Variants in PIK3R6 observed in about 807,000 individuals in gnomAD.
The protein encoded by PIK3R6 is phosphoinositide 3-kinase regulatory subunit 6.
Under a neutral mutation model 84.9 loss-of-function variants are expected in PIK3R6, and 91 were observed. The ratio of observed to expected loss-of-function variants is 1.07; its 90% CI spans 0.90 to 1.28. PIK3R6 has a LOEUF of 1.28. Among genes scored for constraint, PIK3R6 ranks in the 50% most tolerant of loss-of-function variants. PIK3R6 has a pLI of 0.00. For missense variants in PIK3R6, 996 were observed against 985.1 expected (o/e 1.01, Z -0.15); for synonymous variants, 416 against 411.4 (o/e 1.01, Z -0.13).
chr17:8,828,997 TG>T lies in PIK3R6; in HGVS notation c.890-8del, dbSNP rs1388330925. On this transcript the variant is annotated splice_region_variant and splice_polypyrimidine_tract_variant and intron_variant, in intron 10 of 19. Coordinates refer to ENST00000619866, the MANE Select transcript of PIK3R6 (RefSeq NM_001010855.4). ...AAGAGCACCAGTTCCTTCCCTGGGGTGGGGGAACAAGGGCGGTGAGGACACG... is the reference window on the plus strand; with the variant it reads ...AAGAGCACCAGTTCCTTCCCTGGGGTGGGGAACAAGGGCGGTGAGGACACG... The T allele has an allele frequency of 6.7e-7, 1 of 1,491,944 alleles. No homozygotes were observed. The highest frequency in any genetic ancestry group is 1.4e-5 in the African/African-American group (1 of 70,234). The allele number at this position is 1,491,944 out of a possible 1,614,324, so 92.4% of individuals were successfully genotyped here.
intron 15 of PIK3R6, 34 bp downstream of exon 15, chr17:8,822,962 G>A: frequency 1.3e-6 from 2 of 1,513,066 alleles, no homozygotes; most frequent in African/African-American, 1.4e-5. Context: ...GCTGAGTCAG[G>A]GTGACCTTTG....
intron 18 of PIK3R6, among the ~76,000 whole-genome samples, chr17:8,804,654 G>T (rs2087146632): frequency 6.6e-6 from 1 of 152,154 alleles, no homozygotes; most frequent in African/African-American, 2.4e-5. Context: ...CCGAAGGAAA[G>T]CACCCCCAGG....
intron 4 of PIK3R6, 74 bp from the exon 5 acceptor site, chr17:8,837,945 C>A: frequency 7.4e-7 from 1 of 1,354,092 alleles, no homozygotes; most frequent in Non-Finnish European, 1.1e-6. Context: ...GCAGTCTAGG[C>A]TGGGAGTGGG....
chr17:8,827,037 G>A, intron 13 of PIK3R6, 135 bp downstream of exon 13: 1 of 1,019,566 alleles, frequency 9.8e-7, no homozygotes, highest in Non-Finnish European at 1.4e-6. Flanking sequence ...CAAAGGTCAA[G>A]TGCAGCAGCA....
intron 17 of PIK3R6, among the ~76,000 whole-genome samples, chr17:8,820,007 G>A (rs1400494838): frequency 6.7e-6 from 1 of 148,642 alleles, no homozygotes; most frequent in Non-Finnish European, 1.5e-5. Context: ...TAGTGCAGTG[G>A]CATGATCTCG....
chr17:8,853,671 T>C (rs900165635), intron 1 of PIK3R6, among the ~76,000 whole-genome samples: 1 of 151,494 alleles, frequency 6.6e-6, no homozygotes, highest in African/African-American at 2.4e-5. Flanking sequence ...ATAGTTAAGA[T>C]GTCAATTCTC....
chr17:8,819,049 G>T, intron 18 of PIK3R6, 34 bp downstream of exon 18: 1 of 1,482,430 alleles, frequency 6.7e-7, no homozygotes, highest in Non-Finnish European at 9.2e-7. Context: ...GTCCCAGCTG[G>T]CTGTCTCCCT....
intron 18 of PIK3R6, among the ~76,000 whole-genome samples, chr17:8,813,819 T>C (rs1289894242): frequency 2.0e-5 from 3 of 151,896 alleles, no homozygotes; most frequent in African/African-American, 7.3e-5. Context: ...TGGGGAAAAA[T>C]TGAAAGCATT....
chr17:8,814,454 G>A lies in PIK3R6; in HGVS notation c.1995+4629C>T, dbSNP rs563725646. Among the ~76,000 whole-genome samples, 37 of 152,006 alleles carry A rather than the reference G, an allele frequency of 2.4e-4. No homozygotes were observed. The South Asian group carries it at 6.7e-3, about 27-fold the overall frequency. On this transcript the variant is annotated intron_variant, in intron 18 of 19. Transcript: ENST00000619866. ...AGGCTGGTCTCGATCTCCTGACCTC[G>A]TGATCCGCCCTCCTCTGCCTCCCAA...
chr17:8,853,512 T>A (rs185940722), intron 1 of PIK3R6, among the ~76,000 whole-genome samples: 4 of 146,280 alleles, frequency 2.7e-5, no homozygotes, highest in African/African-American at 5.0e-5. Flanking sequence ...ATAATAATAA[T>A]AATAAAATAA....
At chr17:8,821,481 A>G (rs1400497420) in intron 17 of PIK3R6, among the ~76,000 whole-genome samples, 1 of 152,212 alleles carries the variant, frequency 6.6e-6, no homozygotes, top group Non-Finnish European at 1.5e-5. Context: ...CTATATGCAC[A>G]TAAATTGGCA....
chr17:8,819,921 TTATATATATATATATA>T (rs72259680), intron 17 of PIK3R6, among the ~76,000 whole-genome samples: 2 of 136,264 alleles, frequency 1.5e-5, no homozygotes, highest in African/African-American at 5.9e-5. Flanking sequence ...TATATATATT[TTATATATATATATATA>T]TTTTTATATA....
At chr17:8,818,974 A>G (rs1391783379) in intron 18 of PIK3R6, 109 bp downstream of exon 18, 1 of 748,104 alleles carries the variant, frequency 1.3e-6, no homozygotes, top group Non-Finnish European at 2.1e-6. Flanking sequence ...AAGGCTCAGA[A>G]AGGCTGGGAA....
chr17:8,812,373 T>C (rs2087384942), intron 18 of PIK3R6, among the ~76,000 whole-genome samples: 1 of 152,214 alleles, frequency 6.6e-6, no homozygotes. Context: ...AAAGAAACTC[T>C]GGACTTAAAT....
At chr17:8,832,849 C>T (rs1428182475) in intron 9 of PIK3R6, 40 bp downstream of exon 9, 9 of 1,611,126 alleles carry the variant, frequency 5.6e-6, no homozygotes, top group East Asian at 4.5e-5. Context: ...GCTGCCCCCG[C>T]GGGACTCTTG....
Position 8,849,797 on chromosome 17 carries a change from G to A in PIK3R6, c.-3C>T. The stretch of plus-strand genomic sequence containing the variant: ...CCACACTGACCTGAGCTCTCCATGG[G>A]AGCCTTTGGGTGTAGGAGGAGGAGG... On this transcript the variant is annotated 5_prime_UTR_variant, in exon 2 of 20. Coordinates refer to ENST00000619866, the MANE Select transcript of PIK3R6 (RefSeq NM_001010855.4). 6.2e-7 allele frequency: 1 copy of A among 1,612,156 alleles called. No homozygotes were observed. Among genetic ancestry groups the A allele is most frequent in the Non-Finnish European group, 8.5e-7 (1 of 1,179,038 alleles).
chr17:8,850,768 C>T (rs1316721026), intron 1 of PIK3R6, among the ~76,000 whole-genome samples: 1 of 152,076 alleles, frequency 6.6e-6, no homozygotes, highest in Non-Finnish European at 1.5e-5. Context: ...AACGAAGAGA[C>T]AATATTAGAA....
chr17:8,838,252 A>G, intron 4 of PIK3R6: 1 of 435,212 alleles, frequency 2.3e-6, no homozygotes, highest in Non-Finnish European at 4.2e-6. Context: ...CCCGAGGATA[A>G]TTTTGAGAAA....
At chr17:8,845,633 T>C (rs1375167980) in intron 2 of PIK3R6, among the ~76,000 whole-genome samples, 2 of 152,284 alleles carry the variant, frequency 1.3e-5, no homozygotes, top group Middle Eastern at 3.4e-3. Context: ...CTGTTGATAA[T>C]TTATTTTGCT....
Sources: allele counts gnomAD v4.1 joint callset (sites outside exome capture counted in the v4.1 genomes callset), GRCh38; gene constraint gnomAD v4.1.1; transcripts MANE v1.5; gene names NCBI Gene and HGNC (gene_info 2026-07-23, HGNC 2026-07-21).